The following CETP variants were observed in gnomAD, a reference collection of about 807,000 sequenced individuals.
CETP encodes cholesteryl ester transfer protein.
CETP carries 56 observed loss-of-function variants against 66.5 expected under a neutral mutation model. The observed-to-expected ratio is 0.84, with a 90% CI of 0.68 to 1.05. The LOEUF is 1.05. Ranked by LOEUF, CETP falls within the 50% of genes least tolerant of loss-of-function variation. The pLI, the probability that CETP is intolerant of heterozygous loss-of-function variation, is 0.00. For synonymous variants in CETP, 251 were observed against 245.7 expected, an observed-to-expected ratio of 1.02 and a Z score of -0.20; for missense variants, 612 against 609.6, an observed-to-expected ratio of 1.00 and a Z score of -0.04.
In CETP at chr16:56,972,075, C is replaced by T. The variant is rs765947474; in HGVS notation, c.742C>T (p.His248Tyr). 6.2e-7 allele frequency: 1 copy of T among 1,612,876 alleles called. No homozygotes were observed. The highest frequency in any genetic ancestry group is 1.7e-5 in the Admixed American group (1 of 60,002). ...CATCACAGCCTCCTACCTGGAGTCCCATCACAAGGTAGGAGTTGTGGGAGG... is the reference window on the plus strand; with the variant it reads ...CATCACAGCCTCCTACCTGGAGTCCTATCACAAGGTAGGAGTTGTGGGAGG... The part of the protein sequence containing the change: ...PVITASYLES[H>Y]HKGHFIYKNV... The change falls in exon 8 of 16, where the codon CAT becomes TAT. Residue 248 changes from histidine to tyrosine, a missense_variant. Transcript: ENST00000200676.
rs2056184974 is a variant in CETP, at chr16:56,981,225, A to G, written c.1214A>G (p.Gln405Arg). 1 of 1,610,428 alleles carries G rather than the reference A, an allele frequency of 6.2e-7. No homozygotes were observed. The highest frequency in any genetic ancestry group is 1.1e-5 in the South Asian group (1 of 91,006). ...KKLFLSLLDF[Q>R]ITPKTVSNLT... ...CTCTTCTTAAGCCTCTTGGATTTCC[A>G]GTATGTGCTGCAGAGAAGAGAGGGG... Residue 405 changes from glutamine to arginine, a missense_variant and splice_region_variant, in exon 12 of 16, where the codon CAG (glutamine) becomes CGG (arginine). Transcript: ENST00000200676.
intron 9 of CETP, among the ~76,000 whole-genome samples, chr16:56,974,386 C>CA (rs2056135094): frequency 6.6e-6 from 1 of 152,188 alleles, no homozygotes; most frequent in Non-Finnish European, 1.5e-5. Flanking sequence ...GAGGTTGAGG[C>CA]TGCAGTGAGC....
intron 11 of CETP, among the ~76,000 whole-genome samples, chr16:56,979,698 G>A (rs1021061959): frequency 5.9e-5 from 9 of 152,050 alleles, no homozygotes; most frequent in Non-Finnish European, 1.2e-4. Flanking sequence ...GTAGAGGCGG[G>A]GTTTCACCAG....
Position 56,983,736 on chromosome 16 carries a change from G to C in CETP, c.*70G>C, listed in dbSNP as rs1380989828. On this transcript the variant is annotated 3_prime_UTR_variant, in exon 16 of 16. Coordinates refer to ENST00000200676, the MANE Select transcript of CETP (RefSeq NM_000078.3). ...CACCAGGCTCACAGCTGGAACCCTG[G>C]TGTCTCCTCCAGCGTGGTGGAAGTT... 7.0e-7 allele frequency: 1 copy of C among 1,430,970 alleles called. No individual in the cohort carries two copies. The highest frequency in any genetic ancestry group is 9.9e-7 in the Non-Finnish European group (1 of 1,013,332). 88.6% of individuals were successfully genotyped at this position (1,430,970 alleles called of 1,614,324 possible). A position where few individuals can be genotyped will look rare whatever the true frequency, so the allele number is the denominator to read the frequency against.
intron 2 of CETP, among the ~76,000 whole-genome samples, chr16:56,968,501 G>T (rs2056084632): frequency 6.6e-6 from 1 of 152,032 alleles, no homozygotes; most frequent in Admixed American, 6.6e-5. Context: ...ACCTATTTTT[G>T]ATCTAACTTT....
chr16:56,977,889 A>G (rs1006624421), intron 10 of CETP, among the ~76,000 whole-genome samples: 1 of 152,222 alleles, frequency 6.6e-6, no homozygotes, highest in African/African-American at 2.4e-5. Flanking sequence ...TAGCTTCACT[A>G]GCACACAGAT....
chr16:56,966,382 C>G (rs1368360028), intron 2 of CETP, among the ~76,000 whole-genome samples: 1 of 152,186 alleles, frequency 6.6e-6, no homozygotes, highest in African/African-American at 2.4e-5. Flanking sequence ...GTCCTGTCCT[C>G]TGGTTCTCTA....
intron 10 of CETP, among the ~76,000 whole-genome samples, chr16:56,976,309 G>A (rs937500917): frequency 8.5e-5 from 13 of 152,150 alleles, no homozygotes; most frequent in Admixed American, 3.3e-4. Flanking sequence ...GCTTAAAGCC[G>A]GTGTAGGATA....
chr16:56,973,368 C>T lies in CETP; in HGVS notation c.788C>T (p.Pro263Leu). ...FIYKNVSEDL[P>L]LPTFSPTLLG... The stretch of plus-strand genomic sequence containing the variant: ...TACAAGAATGTCTCAGAGGACCTCC[C>T]CCTCCCCACCTTCTCGCCCACACTG... The change falls in exon 9 of 16, where the codon CCC becomes CTC. Residue 263 changes from proline to leucine, a missense_variant. By Grantham distance (98) the Pro-to-Leu change is moderately conservative. Transcript: ENST00000200676. The T allele has an allele frequency of 1.9e-6, 3 of 1,614,188 alleles. No individual in the cohort carries two copies. The highest frequency in any genetic ancestry group is 1.1e-5 in the South Asian group (1 of 91,084).
rs756262184 is a variant in CETP at position 56,969,722 on chromosome 16, C to G, written c.439+41C>G. The G allele has an allele frequency of 1.9e-6, 3 of 1,608,352 alleles. No homozygotes were observed. In the African/African-American group the frequency reaches 4.0e-5, roughly 21 times the overall value. On this transcript the variant is annotated intron_variant, in intron 4 of 15. Coordinates refer to ENST00000200676, the MANE Select transcript of CETP (RefSeq NM_000078.3). ...CCTCTGGGGAAGTGGGAGCTGGACT[C>G]CAGGGCTTGGCCTCAGCAGAGGGGG...
intron 2 of CETP, among the ~76,000 whole-genome samples, chr16:56,968,060 A>G (rs1057004108): frequency 6.6e-6 from 1 of 151,604 alleles, no homozygotes; most frequent in Non-Finnish European, 1.5e-5. Flanking sequence ...ATTTTTTTTT[A>G]ATTTTATTTT....
intron 9 of CETP, among the ~76,000 whole-genome samples, chr16:56,974,841 G>A (rs530907449): frequency 6.6e-6 from 1 of 152,294 alleles, no homozygotes; most frequent in South Asian, 2.1e-4. Flanking sequence ...AGGAAACTGA[G>A]GCCCACAGAG....
intron 12 of CETP, 99 bp from the exon 13 acceptor site, chr16:56,981,548 A>G (rs1325632251): frequency 7.2e-7 from 1 of 1,384,234 alleles, no homozygotes; most frequent in African/African-American, 1.4e-5. Flanking sequence ...GAGCTATGAG[A>G]CAGAAGCACT....
chr16:56,965,589 T>A (rs531219213), intron 2 of CETP, among the ~76,000 whole-genome samples: 1 of 152,272 alleles, frequency 6.6e-6, no homozygotes, highest in Non-Finnish European at 1.5e-5. Context: ...GGTACAGCAA[T>A]AGTGACTACC....
In CETP at chr16:56,974,442, C is replaced by T. The variant is rs576190809; in HGVS notation, c.931-659C>T. On this transcript the variant is annotated intron_variant, in intron 9 of 15. Transcript: ENST00000200676. ...CCAGTGTGGGTGACAGAGTAGGACT[C>T]CATCTCAAGAAAAAAATACAGTCCA... 2.6e-5 allele frequency among the ~76,000 whole-genome samples: 4 copies of T among 152,198 alleles called. No individual in the cohort carries two copies. The South Asian group carries it at 8.3e-4, about 32-fold the overall frequency.
intron 2 of CETP, among the ~76,000 whole-genome samples, chr16:56,967,795 A>G (rs371347158): frequency 1.9e-3 from 296 of 152,146 alleles, no homozygotes; most frequent in African/African-American, 6.3e-3. Flanking sequence ...GACCCCCCCA[A>G]TCTGCACAAA....
intron 2 of CETP, among the ~76,000 whole-genome samples, chr16:56,963,995 TTTATTTATTTA>T (rs1567468791): frequency 2.4e-4 from 3 of 12,520 alleles, no homozygotes; most frequent in Non-Finnish European, 3.3e-4. Flanking sequence ...CTTTATTTTA[TTTATTTATTTA>T]TTTATTTATT....
At position 56,978,116 on chromosome 16, in the gene CETP, C is replaced by G. The variant is rs775898375; in HGVS notation, c.1007C>G (p.Ala336Gly). The change falls in exon 11 of 16, where the codon GCC (alanine) becomes GGC (glycine). Residue 336 changes from alanine (A) to glycine (G), a missense_variant. By Grantham distance (60) the Ala-to-Gly change is moderately conservative. Coordinates refer to ENST00000200676, the MANE Select transcript of CETP (RefSeq NM_000078.3). ...GTTGTCGGCGGCTTCCCCAGCCAGG[C>G]CCAAGTCACCGTCCACTGCCTCAAG... is the stretch of plus-strand genomic sequence containing the variant. Reference protein sequence around the residue: ...QEVVGGFPSQAQVTVHCLKMP... With the variant: ...QEVVGGFPSQGQVTVHCLKMP... 4 of 1,614,236 alleles carry G rather than the reference C, an allele frequency of 2.5e-6. No homozygotes were observed. The South Asian group carries it at 3.3e-5, about 13-fold the overall frequency.
rs766679880 is a variant in CETP, at chr16:56,973,482, T to C, written c.902T>C (p.Met301Thr). 1 of 1,614,176 alleles carries C rather than the reference T, an allele frequency of 6.2e-7. No homozygotes were observed. The highest frequency in any genetic ancestry group is 2.2e-5 in the East Asian group (1 of 44,890). ...AKVAFQDGRL[M>T]LSLMGDEFKA... ...GTAGCTTTCCAGGATGGCCGCCTCA[T>C]GCTCAGCCTGATGGGAGACGAGTTC... is the stretch of plus-strand genomic sequence containing the variant. The change falls in exon 9 of 16, where the codon ATG (methionine) becomes ACG (threonine). Residue 301 changes from methionine (M) to threonine (T), a missense_variant. By Grantham distance (81) the Met-to-Thr change is moderately conservative. Transcript: ENST00000200676.
Sources: allele counts gnomAD v4.1 joint callset (sites outside exome capture counted in the v4.1 genomes callset), GRCh38; gene constraint gnomAD v4.1.1; transcripts MANE v1.5; gene names NCBI Gene and HGNC (gene_info 2026-07-23, HGNC 2026-07-21).